Variants in BACH2 observed in about 807,000 individuals in gnomAD.
The protein encoded by BACH2 is transcription regulator protein BACH2.
In BACH2, 5 loss-of-function variants were observed where a neutral mutation model predicts 61.8. That is an observed-to-expected ratio of 0.08 (90% CI 0.04 to 0.17). The LOEUF (loss-of-function observed/expected upper bound fraction) is 0.17. BACH2 is among the 10% of genes least tolerant of loss of function. The pLI is 1.00. For missense variants in BACH2, 824 were observed against 1,091.1 expected (o/e 0.76, Z 3.45); for synonymous variants, 446 against 440.1 (o/e 1.01, Z -0.17).
chr6:89,950,797 C>T lies in BACH2; in HGVS notation c.1309G>A (p.Ala437Thr), dbSNP rs147349828. Residue 437 changes from alanine to threonine, a missense_variant, in exon 7 of 9, where the codon GCT becomes ACT. Transcript: ENST00000257749. The surrounding 1 kb of genome is among the most constrained non-coding windows in gnomAD (Gnocchi z 5.3). The stretch of plus-strand genomic sequence containing the variant: ...ACCGAGGTGCTCACTTGGTCACAAG[C>T]GCTGGAGGAGAAGATCACGCTCCTC... ...DRRSVIFSSSACDQVSTSVHS... is the reference protein window; with the variant it reads ...DRRSVIFSSSTCDQVSTSVHS... 1.2e-4 allele frequency: 192 copies of T among 1,614,174 alleles called. No homozygotes were observed. Among genetic ancestry groups the T allele is most frequent in the Admixed American group, 3.8e-4 (23 of 60,030 alleles).
chr6:89,928,904 A>G lies in BACH2; in HGVS notation c.*3504T>C, dbSNP rs1772490176. On this transcript the variant is annotated 3_prime_UTR_variant, in exon 9 of 9. Coordinates refer to ENST00000257749, the MANE Select transcript of BACH2 (RefSeq NM_021813.4). ...AAAGTTTTTCTAACTGTTTTGTTCC[A>G]GAATCAGTATGTAATAAAGTTCGAT... 2 of 151,912 alleles carry G rather than the reference A, an allele frequency of 1.3e-5. No individual in the cohort carries two copies. Among genetic ancestry groups the G allele is most frequent in the Non-Finnish European group, 2.9e-5 (2 of 67,914 alleles). The allele number at this position is 151,912 out of a possible 1,614,324, so 9.4% of individuals were successfully genotyped here.
At chr6:89,990,106 C>T (rs1176889746) in intron 6 of BACH2, among the ~76,000 whole-genome samples, 1 of 152,118 alleles carries the variant, frequency 6.6e-6, no homozygotes, top group Non-Finnish European at 1.5e-5. Context: ...TGAATAGGGC[C>T]ACATCTTCAC....
chr6:90,102,388 A>G (rs1294669552), intron 4 of BACH2, among the ~76,000 whole-genome samples: 1 of 152,214 alleles, frequency 6.6e-6, no homozygotes, highest in Non-Finnish European at 1.5e-5. Context: ...GGTATCATTC[A>G]TTGAGGATGC....
At chr6:90,058,627 C>A (rs57623759) in intron 5 of BACH2, among the ~76,000 whole-genome samples, 4 of 151,742 alleles carry the variant, frequency 2.6e-5, no homozygotes, top group African/African-American at 7.3e-5. Flanking sequence ...AAACTACTTT[C>A]AAGTTCATAT....
At chr6:90,122,590 T>TA (rs1783677326) in intron 4 of BACH2, among the ~76,000 whole-genome samples, 1 of 152,202 alleles carries the variant, frequency 6.6e-6, no homozygotes, top group Admixed American at 6.5e-5. Context: ...TATGACATTT[T>TA]AAAAAAATTT....
chr6:90,005,404 C>A (rs958331322), intron 6 of BACH2, among the ~76,000 whole-genome samples: 12 of 152,152 alleles, frequency 7.9e-5, no homozygotes, highest in Non-Finnish European at 1.5e-5. Flanking sequence ...TTAAAGATTT[C>A]CAAGGAGCTA....
At chr6:90,246,514 A>T (rs1211492457) in intron 3 of BACH2, among the ~76,000 whole-genome samples, 1 of 152,194 alleles carries the variant, frequency 6.6e-6, no homozygotes, top group Non-Finnish European at 1.5e-5. Context: ...CTAATGTAGT[A>T]CAGTGTATTA....
intron 4 of BACH2, among the ~76,000 whole-genome samples, chr6:90,187,133 T>G (rs932729876): frequency 6.6e-6 from 1 of 152,070 alleles, no homozygotes; most frequent in African/African-American, 2.4e-5. Context: ...AATAAATAAA[T>G]CAAGTGTCTT....
At chr6:90,221,573 C>G (rs538000800) in intron 3 of BACH2, among the ~76,000 whole-genome samples, 14 of 152,262 alleles carry the variant, frequency 9.2e-5, no homozygotes, top group Admixed American at 5.9e-4. Flanking sequence ...GAGGAGTCTA[C>G]TTAAGACGAC....
intron 5 of BACH2, among the ~76,000 whole-genome samples, chr6:90,075,507 C>T (rs1309354337): frequency 3.3e-5 from 5 of 151,924 alleles, no homozygotes; most frequent in Admixed American, 6.6e-5. Context: ...GTTGGCTTTA[C>T]TATTTTATGA....
chr6:89,987,051 GTCTC>G (rs755005090), intron 6 of BACH2, among the ~76,000 whole-genome samples: 1 of 152,138 alleles, frequency 6.6e-6, no homozygotes, highest in Non-Finnish European at 1.5e-5. Flanking sequence ...CACTTAACTT[GTCTC>G]TCTGTCTTAG....
chr6:90,278,689 T>C (rs1236816167), intron 1 of BACH2, among the ~76,000 whole-genome samples: 3 of 152,194 alleles, frequency 2.0e-5, no homozygotes, highest in African/African-American at 7.2e-5. Context: ...CAGTAATCTC[T>C]AAAAGTAGGG....
intron 5 of BACH2, among the ~76,000 whole-genome samples, chr6:90,041,278 A>G (rs1382377189): frequency 6.6e-6 from 1 of 151,510 alleles, no homozygotes; most frequent in African/African-American, 2.4e-5. Flanking sequence ...CTAAAGCGTG[A>G]TGCTAATTTT....
intron 4 of BACH2, among the ~76,000 whole-genome samples, chr6:90,121,168 AC>A (rs1783608005): frequency 6.6e-6 from 1 of 152,224 alleles, no homozygotes; most frequent in Non-Finnish European, 1.5e-5. Context: ...GCAGACCCAA[AC>A]TCGAAGAAAA....
At position 89,932,131 on chromosome 6, in the gene BACH2, C is replaced by T. The variant is rs1021015403; in HGVS notation, c.*277G>A. ...GGTTGGGGCCTAGAGGTGTTGTAGT[C>T]TATCCCTGTGAAGACTGAAATTGAG... On this transcript the variant is annotated 3_prime_UTR_variant, in exon 9 of 9. Transcript: ENST00000257749. 1 of 344,662 alleles carries T rather than the reference C, an allele frequency of 2.9e-6. No homozygotes were observed. Among genetic ancestry groups the T allele is most frequent in the Non-Finnish European group, 5.3e-6 (1 of 187,318 alleles). The allele number at this position is 344,662 out of a possible 1,614,324, so 21.4% of individuals were successfully genotyped here.
intron 2 of BACH2, among the ~76,000 whole-genome samples, chr6:90,259,334 A>G (rs574703971): frequency 6.6e-6 from 1 of 152,192 alleles, no homozygotes; most frequent in East Asian, 1.9e-4. Context: ...TTATCATGTG[A>G]TTTTTATCTT....
intron 6 of BACH2, among the ~76,000 whole-genome samples, chr6:89,981,133 C>CTT (rs35955706): frequency 1.4e-3 from 192 of 139,048 alleles, no homozygotes; most frequent in African/African-American, 4.6e-3. Flanking sequence ...TCGTGATTCG[C>CTT]TTTTTTTTTT....
intron 8 of BACH2, among the ~76,000 whole-genome samples, chr6:89,937,587 T>A (rs925359008): frequency 2.0e-5 from 3 of 152,146 alleles, no homozygotes; most frequent in Admixed American, 6.5e-5. Flanking sequence ...TGGAATGCAG[T>A]GGCGTGATCT....
intron 4 of BACH2, among the ~76,000 whole-genome samples, chr6:90,106,356 G>C (rs1342527470): frequency 2.0e-5 from 3 of 152,152 alleles, no homozygotes; most frequent in African/African-American, 7.2e-5. Context: ...CATATATAAT[G>C]GTGGTCCCAT....
Sources: gnomAD v4.1 joint callset for allele counts (sites outside exome capture counted in the v4.1 genomes callset) on GRCh38, gnomAD v4.1.1 for gene constraint, Gnocchi (gnomAD v3.1) non-coding constraint, MANE v1.5 for transcripts, NCBI Gene and HGNC (gene_info 2026-07-23, HGNC 2026-07-21) for gene names.